The following CLOCK variants were observed in gnomAD, a reference collection of about 807,000 sequenced individuals.
The protein encoded by CLOCK is clock circadian regulator, also known as circadian locomoter output cycles protein kaput.
A neutral mutation model predicts 118.4 loss-of-function variants in CLOCK; 43 were observed. That is an observed-to-expected ratio of 0.36 (90% CI 0.28 to 0.47). The LOEUF (loss-of-function observed/expected upper bound fraction) is 0.47. CLOCK is among the 20% of genes least tolerant of loss of function. CLOCK has a pLI of 1.00. For synonymous variants in CLOCK, 326 were observed against 339.2 expected (o/e 0.96, Z 0.43); for missense variants, 846 against 999.9 (o/e 0.85, Z 2.08).
chr4:55,521,844 G>C (rs1729864942), intron 1 of CLOCK, among the ~76,000 whole-genome samples: 1 of 152,180 alleles, frequency 6.6e-6, no homozygotes. Flanking sequence ...TAGACAAACT[G>C]ATCTTAGTAT....
chr4:55,503,497 T>G (rs999950861), intron 2 of CLOCK, among the ~76,000 whole-genome samples: 2 of 152,148 alleles, frequency 1.3e-5, no homozygotes, highest in Admixed American at 1.3e-4. Flanking sequence ...GTCCTATATC[T>G]TATTCTTGAT....
At chr4:55,544,755 T>A (rs146204442) in intron 1 of CLOCK, among the ~76,000 whole-genome samples, 2 of 152,192 alleles carry the variant, frequency 1.3e-5, no homozygotes, top group African/African-American at 4.8e-5. Flanking sequence ...GACATACACA[T>A]AATACATCTC....
chr4:55,442,581 C>T lies in CLOCK; in HGVS notation c.1956G>A (p.Gln652=). The part of the protein sequence containing the change: ...GHSQQTSLPS[Q]TQSTLTAPLY... ...GTGGGGCTGTAAGAGTGCTCTGTGTCTGACTGGGTAGAGATGTTTGCTGAC... is the reference window on the plus strand; with the variant it reads ...GTGGGGCTGTAAGAGTGCTCTGTGTTTGACTGGGTAGAGATGTTTGCTGAC... Residue 652 remains glutamine, a synonymous_variant, in exon 21 of 23, where the codon CAG becomes CAA. Transcript: ENST00000513440. The T allele has an allele frequency of 1.2e-5, 19 of 1,612,256 alleles. No individual in the cohort carries two copies. Among genetic ancestry groups the T allele is most frequent in the Non-Finnish European group, 1.6e-5 (19 of 1,179,714 alleles).
At chr4:55,516,927 A>T (rs560620808) in intron 1 of CLOCK, among the ~76,000 whole-genome samples, 29 of 152,312 alleles carry the variant, frequency 1.9e-4, no homozygotes, top group African/African-American at 7.0e-4. Flanking sequence ...AAATAACACT[A>T]AACCACTTTA....
chr4:55,514,047 T>C (rs538308037), intron 1 of CLOCK, among the ~76,000 whole-genome samples: 3 of 152,280 alleles, frequency 2.0e-5, no homozygotes, highest in African/African-American at 4.8e-5. Context: ...TCATATCATC[T>C]TGCAAACAAA....
chr4:55,537,428 G>A (rs1730976678), intron 1 of CLOCK, among the ~76,000 whole-genome samples: 4 of 152,062 alleles, frequency 2.6e-5, no homozygotes, highest in Non-Finnish European at 4.4e-5. Flanking sequence ...CGACCAGCCT[G>A]GGCAACATAG....
intron 16 of CLOCK, 35 bp from the exon 17 acceptor site, chr4:55,449,531 TTA>T: frequency 1.3e-6 from 2 of 1,493,880 alleles, no homozygotes; most frequent in Non-Finnish European, 1.9e-6. Flanking sequence ...CATTAGTACT[TTA>T]TAAAATATAG....
intron 6 of CLOCK, 59 bp downstream of exon 6, chr4:55,478,756 G>A: frequency 6.5e-7 from 1 of 1,537,308 alleles, no homozygotes; most frequent in Admixed American, 1.7e-5. Flanking sequence ...AAGCATCTCT[G>A]CCAAGATTCT....
At chr4:55,461,248 G>A (rs1725321827) in intron 9 of CLOCK, among the ~76,000 whole-genome samples, 1 of 152,026 alleles carries the variant, frequency 6.6e-6, no homozygotes, top group Non-Finnish European at 1.5e-5. Flanking sequence ...TTTATTGCTA[G>A]GATTATATGG....
At chr4:55,444,534 G>GT (rs1723635264) in intron 19 of CLOCK, 99 bp downstream of exon 19, 18 of 1,378,654 alleles carry the variant, frequency 1.3e-5, no homozygotes, top group South Asian at 2.3e-5. Context: ...TTGATAAAAC[G>GT]TATCTCTTGC....
chr4:55,468,702 C>A (rs1056125345), intron 8 of CLOCK, among the ~76,000 whole-genome samples: 7 of 152,134 alleles, frequency 4.6e-5, no homozygotes, highest in African/African-American at 1.7e-4. Flanking sequence ...TCAAGACATT[C>A]TCAGTGATTT....
chr4:55,511,843 G>A (rs1257292962), intron 1 of CLOCK, among the ~76,000 whole-genome samples: 2 of 151,982 alleles, frequency 1.3e-5, no homozygotes, highest in African/African-American at 2.4e-5. Context: ...ATGTCATGAA[G>A]TTGGAATCAT....
intron 1 of CLOCK, among the ~76,000 whole-genome samples, chr4:55,524,886 T>C (rs934179241): frequency 1.3e-5 from 2 of 152,064 alleles, no homozygotes; most frequent in African/African-American, 2.4e-5. Context: ...TCTCCAGACT[T>C]ATAACTTCCA....
chr4:55,496,099 G>C (rs149693315), intron 2 of CLOCK, among the ~76,000 whole-genome samples: 14 of 152,116 alleles, frequency 9.2e-5, no homozygotes, highest in Non-Finnish European at 1.5e-5. Context: ...TAAGGCAGGA[G>C]AATCGCTTGA....
chr4:55,535,221 TTAC>T (rs10585493), intron 1 of CLOCK, among the ~76,000 whole-genome samples: 43,285 of 151,926 alleles, frequency 0.28, 6,680 homozygotes, highest in Middle Eastern at 0.4. Context: ...ATTATGGTGA[TTAC>T]AAGAATGTTT....
chr4:55,483,155 T>C lies in CLOCK; in HGVS notation c.-43-327A>G, dbSNP rs967198275. Among the ~76,000 whole-genome samples, 6 of 152,310 alleles carry C rather than the reference T, an allele frequency of 3.9e-5. 1 individual carries two copies. The South Asian group carries it at 1.0e-3, about 26-fold the overall frequency. ...AAATAGTCTGTAATAACACCATCTATTCAGCAATAAATATTTGTTGAAAGC... is the reference window on the plus strand; with the variant it reads ...AAATAGTCTGTAATAACACCATCTACTCAGCAATAAATATTTGTTGAAAGC... On this transcript the variant is annotated intron_variant, in intron 3 of 22. Coordinates refer to ENST00000513440, the MANE Select transcript of CLOCK (RefSeq NM_004898.4).
At chr4:55,508,108 A>T (rs1304914044) in intron 2 of CLOCK, among the ~76,000 whole-genome samples, 2 of 152,234 alleles carry the variant, frequency 1.3e-5, no homozygotes, top group African/African-American at 4.8e-5. Flanking sequence ...GTCTGACTAC[A>T]AAAGAGTTAC....
At chr4:55,490,496 G>A (rs1727595401) in intron 2 of CLOCK, among the ~76,000 whole-genome samples, 1 of 152,070 alleles carries the variant, frequency 6.6e-6, no homozygotes, top group Non-Finnish European at 1.5e-5. Flanking sequence ...GATTTAAACA[G>A]TGTATCAGTA....
intron 2 of CLOCK, among the ~76,000 whole-genome samples, chr4:55,492,770 AG>A (rs1417409101): frequency 6.6e-6 from 1 of 152,114 alleles, no homozygotes; most frequent in African/African-American, 2.4e-5. Context: ...GCTTGAACCC[AG>A]GAAGCGGAGG....
Sources: allele counts gnomAD v4.1 joint callset (sites outside exome capture counted in the v4.1 genomes callset), GRCh38; gene constraint gnomAD v4.1.1; transcripts MANE v1.5; gene names NCBI Gene and HGNC (gene_info 2026-07-23, HGNC 2026-07-21).